APBA3: variants seen among roughly 807,000 people sequenced by gnomAD.
The protein encoded by APBA3 is amyloid beta precursor protein binding family A member 3.
APBA3 carries 45 observed loss-of-function variants against 55.9 expected under a neutral mutation model. That is an observed-to-expected ratio of 0.80 (90% confidence interval 0.63 to 1.03). The LOEUF is 1.03. Ranked by LOEUF, APBA3 falls within the 50% of genes least tolerant of loss-of-function variation. APBA3 has a pLI of 0.00. For synonymous variants in APBA3, 370 were observed against 353.3 expected (o/e 1.05, Z -0.53); for missense variants, 865 against 820.3 (o/e 1.05, Z -0.67).
chr19:3,753,713 A>G, intron 6 of APBA3, 52 bp downstream of exon 6: 1 of 1,435,850 alleles, frequency 7.0e-7, no homozygotes, highest in Middle Eastern at 1.8e-4. Flanking sequence ...GGGAGGCGAC[A>G]GTTGCAGTGA....
Position 3,760,039 on chromosome 19 carries a change from G to T in APBA3, c.226C>A (p.Pro76Thr), listed in dbSNP as rs767514522. ...ALPGDLVGPSPGGAPCPLHIA... is the reference protein window; with the variant it reads ...ALPGDLVGPSTGGAPCPLHIA... Reference sequence around the variant, plus strand: ...TGTAGGGGACAGGGGGCTCCACCTGGGGATGGGCCCACCAGATCGCCTGGC... The same window carrying T: ...TGTAGGGGACAGGGGGCTCCACCTGTGGATGGGCCCACCAGATCGCCTGGC... Residue 76 changes from proline to threonine, a missense_variant, in exon 2 of 11, where the codon CCA (proline) becomes ACA (threonine). Pro to Thr is a conservative substitution (Grantham distance 38). Coordinates refer to ENST00000316757, the MANE Select transcript of APBA3 (RefSeq NM_004886.4). 3 of 1,613,122 alleles carry T rather than the reference G, an allele frequency of 1.9e-6. No individual in the cohort carries two copies. In the Admixed American group the frequency reaches 5.0e-5, roughly 27 times the overall value.
At chr19:3,758,882 G>C (rs1458013885) in intron 3 of APBA3, among the ~76,000 whole-genome samples, 2 of 151,296 alleles carry the variant, frequency 1.3e-5, no homozygotes, top group African/African-American at 4.9e-5. Context: ...CAAAAAGAAA[G>C]AAAGAAATAG....
At chr19:3,751,662 G>A in intron 8 of APBA3, 109 bp from the exon 9 acceptor site, 1 of 1,295,030 alleles carries the variant, frequency 7.7e-7, no homozygotes, top group East Asian at 2.6e-5. Context: ...CTGGAGTCCA[G>A]GGGCTCAATT....
chr19:3,752,195 G>A (rs1206009500), intron 8 of APBA3, among the ~76,000 whole-genome samples: 1 of 152,188 alleles, frequency 6.6e-6, no homozygotes, highest in Admixed American at 6.5e-5. Context: ...CTGGGCAAGA[G>A]TGAGACCTTG....
chr19:3,751,559 G>A lies in APBA3; in HGVS notation c.1396-6C>T, dbSNP rs1336593527. The A allele has an allele frequency of 1.1e-5, 18 of 1,583,904 alleles. No homozygotes were observed. The highest frequency in any genetic ancestry group is 1.5e-5 in the Non-Finnish European group (17 of 1,169,872). ...GACGTCTGCGACTTCGTCTCCTGTG[G>A]GGCGGGGGCCGTTGGCCTCACTCAG... is the stretch of plus-strand genomic sequence containing the variant. On this transcript the variant is annotated splice_polypyrimidine_tract_variant and splice_region_variant and intron_variant, in intron 8 of 10. Coordinates refer to ENST00000316757, the MANE Select transcript of APBA3 (RefSeq NM_004886.4).
At chr19:3,756,110 A>T (rs1321282017) in intron 3 of APBA3, 1 of 152,226 alleles carries the variant, frequency 6.6e-6, no homozygotes, top group Admixed American at 6.5e-5. Context: ...TCTATCACAG[A>T]CTTGAAATGT....
chr19:3,753,359 G>A, intron 6 of APBA3: 1 of 386,818 alleles, frequency 2.6e-6, no homozygotes, highest in Non-Finnish European at 4.7e-6. Context: ...AGTCTTATAG[G>A]AGGCTGGACG....
At chr19:3,751,357 A>C in intron 9 of APBA3, 28 bp from the exon 10 acceptor site, 1 of 1,519,328 alleles carries the variant, frequency 6.6e-7, no homozygotes, top group Non-Finnish European at 8.8e-7. Context: ...GGGACGGGAA[A>C]GAGGTGGGGG....
chr19:3,752,969 T>G lies in APBA3; in HGVS notation c.1033A>C (p.Ile345Leu). 1 of 1,612,506 alleles carries G rather than the reference T, an allele frequency of 6.2e-7. No individual in the cohort carries two copies. Among genetic ancestry groups the G allele is most frequent in the Non-Finnish European group, 8.5e-7 (1 of 1,179,846 alleles). The change falls in exon 7 of 11, where the codon ATT becomes CTT. Residue 345 changes from isoleucine (I) to leucine (L), a missense_variant. Transcript: ENST00000316757. ...AEDAQLIAQA[I>L]GQAFAAAYSQ... ...TAGGCGGCGGCGAAGGCCTGGCCAA[T>G]GGCCTGGGCGATGAGCTGGGCCTGC...
chr19:3,755,800 C>T lies in APBA3; in HGVS notation c.617-1460G>A, dbSNP rs995618218. On this transcript the variant is annotated intron_variant, in intron 3 of 10. Transcript: ENST00000316757. ...GGGTGACAGAGCAAGATTCCATCTCCAAAAACAAAAAGGAAAAAAAAAAAA... is the reference window on the plus strand; with the variant it reads ...GGGTGACAGAGCAAGATTCCATCTCTAAAAACAAAAAGGAAAAAAAAAAAA... The T allele has an allele frequency of 4.0e-5, 5 of 126,234 alleles. No individual in the cohort carries two copies. The Admixed American group carries it at 4.7e-4, about 12-fold the overall frequency. 7.8% of individuals were successfully genotyped at this position (126,234 alleles called of 1,614,324 possible). A position where few individuals can be genotyped will look rare whatever the true frequency, so the allele number is the denominator to read the frequency against.
At position 3,760,298 on chromosome 19, in the gene APBA3, G is replaced by A. The variant is rs1224652201; in HGVS notation, c.-34C>T. On this transcript the variant is annotated 5_prime_UTR_variant, in exon 2 of 11. Transcript: ENST00000316757. Reference sequence around the variant, plus strand: ...TCCAGGCTTAGGCCGGCATCTTCAGGCAGCTGAAAGAGAGAGAGTCAGCAC... The same window carrying A: ...TCCAGGCTTAGGCCGGCATCTTCAGACAGCTGAAAGAGAGAGAGTCAGCAC... 3 of 1,546,074 alleles carry A rather than the reference G, an allele frequency of 1.9e-6. No homozygotes were observed. Among genetic ancestry groups the A allele is most frequent in the Non-Finnish European group, 2.6e-6 (3 of 1,154,560 alleles).
chr19:3,753,677 G>A (rs554600090), intron 6 of APBA3, 88 bp downstream of exon 6: 3 of 1,254,126 alleles, frequency 2.4e-6, no homozygotes, highest in South Asian at 3.3e-5. Flanking sequence ...GCTTATGGGA[G>A]GGAGGTTAAA....
At position 3,750,864 on chromosome 19, in the gene APBA3, C is replaced by A; in HGVS notation, c.*162G>T. ...GACAAGGTCCTCGGTCCCGTAGACC[C>A]TGATCCGAGACTTTGCCAAATGCAT... is the stretch of plus-strand genomic sequence containing the variant. On this transcript the variant is annotated 3_prime_UTR_variant, in exon 11 of 11. Transcript: ENST00000316757. 9.7e-7 allele frequency: 1 copy of A among 1,033,950 alleles called. No individual in the cohort carries two copies. The highest frequency in any genetic ancestry group is 1.5e-6 in the Non-Finnish European group (1 of 687,534). The allele number at this position is 1,033,950 out of a possible 1,614,324, so 64.0% of individuals were successfully genotyped here.
At position 3,751,415 on chromosome 19, in the gene APBA3, C is replaced by T. The variant is rs1003382018; in HGVS notation, c.1515+19G>A. 2.6e-6 allele frequency: 4 copies of T among 1,518,840 alleles called. No individual in the cohort carries two copies. Among genetic ancestry groups the T allele is most frequent in the Non-Finnish European group, 3.5e-6 (4 of 1,136,960 alleles). The allele number at this position is 1,518,840 out of a possible 1,614,324, so 94.1% of individuals were successfully genotyped here. On this transcript the variant is annotated intron_variant, in intron 9 of 10. Transcript: ENST00000316757. ...GCCGCCCTACCCCCCCACCCCGGGG[C>T]CAGGGGCCGGGGCCTCACGATGCCG... is the stretch of plus-strand genomic sequence containing the variant.
rs748772419 is a variant in APBA3 at position 3,754,289 on chromosome 19, G to A, written c.668C>T (p.Ala223Val). 3.0e-5 allele frequency: 47 copies of A among 1,553,394 alleles called. 2 individuals carry two copies. In the South Asian group the frequency reaches 4.9e-4, roughly 16 times the overall value. Residue 223 changes from alanine to valine, a missense_variant, in exon 4 of 11, where the codon GCC (alanine) becomes GTC (valine). Coordinates refer to ENST00000316757, the MANE Select transcript of APBA3 (RefSeq NM_004886.4). ...CAGCTGGGTGGACCCCAGGTACCTGGCCCCAAATATGACACCGTCCAGGAG... is the reference window on the plus strand; with the variant it reads ...CAGCTGGGTGGACCCCAGGTACCTGACCCCAAATATGACACCGTCCAGGAG... ...EDLLDGVIFG[A>V]RYLGSTQLVS...
intron 8 of APBA3, 87 bp downstream of exon 8, chr19:3,752,421 G>C: frequency 2.4e-6 from 3 of 1,259,558 alleles, no homozygotes; most frequent in Non-Finnish European, 3.3e-6. Context: ...TGGCTGGGCT[G>C]GAGAGACCTG....
chr19:3,758,803 G>A lies in APBA3; in HGVS notation c.616+758C>T, dbSNP rs542207323. On this transcript the variant is annotated intron_variant, in intron 3 of 10. Coordinates refer to ENST00000316757, the MANE Select transcript of APBA3 (RefSeq NM_004886.4). ...TGAGGCAGGAGAATCACTTGAACCC[G>A]GGAGGCGGAAGTTGCAGTGAGCCGG... is the stretch of plus-strand genomic sequence containing the variant. Among the ~76,000 whole-genome samples the A allele has an allele frequency of 6.6e-5, 10 of 151,894 alleles. No homozygotes were observed. The South Asian group carries it at 8.3e-4, about 13-fold the overall frequency.
chr19:3,761,328 T>C (rs2037143971), intron 1 of APBA3, among the ~76,000 whole-genome samples: 1 of 152,018 alleles, frequency 6.6e-6, no homozygotes, highest in Non-Finnish European at 1.5e-5. Flanking sequence ...TCCAGAACTT[T>C]AGACCCAGGA....
chr19:3,753,371 G>A (rs984473072), intron 6 of APBA3: 39 of 367,014 alleles, frequency 1.1e-4, no homozygotes, highest in African/African-American at 5.4e-4. Flanking sequence ...GGCTGGACGC[G>A]GTGGCTCACG....
Sources: gnomAD v4.1 joint callset for allele counts (sites outside exome capture counted in the v4.1 genomes callset) on GRCh38, gnomAD v4.1.1 for gene constraint, MANE v1.5 for transcripts, NCBI Gene and HGNC (gene_info 2026-07-23, HGNC 2026-07-21) for gene names.